The following TMEM135 variants were observed in gnomAD, a reference collection of about 807,000 sequenced individuals.
TMEM135 encodes transmembrane protein 135.
Under a neutral mutation model 60.3 loss-of-function variants are expected in TMEM135, and 30 were observed. The observed-to-expected ratio is 0.50, with a 90% CI of 0.37 to 0.68. The LOEUF (loss-of-function observed/expected upper bound fraction) is 0.68. Ranked by LOEUF, TMEM135 falls within the 30% of genes least tolerant of loss-of-function variation. The pLI, the probability that TMEM135 is intolerant of heterozygous loss-of-function variation, is 0.00. For synonymous variants in TMEM135, 190 were observed against 186.7 expected, an observed-to-expected ratio of 1.02 and a Z score of -0.14; for missense variants, 468 against 548.8, an observed-to-expected ratio of 0.85 and a Z score of 1.47.
At chr11:87,067,385 T>G (rs958597724) in intron 1 of TMEM135, among the ~76,000 whole-genome samples, 2 of 151,856 alleles carry the variant, frequency 1.3e-5, no homozygotes, top group Non-Finnish European at 2.9e-5. Context: ...GGAATTTTTT[T>G]CATTTAAAAA....
intron 6 of TMEM135, among the ~76,000 whole-genome samples, chr11:87,254,933 G>A (rs1941492414): frequency 6.6e-6 from 1 of 151,964 alleles, no homozygotes; most frequent in African/African-American, 2.4e-5. Flanking sequence ...TGAGCCCAGG[G>A]GTTCGATACC....
At chr11:87,163,797 A>C (rs1938958644) in intron 5 of TMEM135, among the ~76,000 whole-genome samples, 1 of 142,828 alleles carries the variant, frequency 7.0e-6, no homozygotes, top group Non-Finnish European at 1.5e-5. Context: ...AGTGATGATG[A>C]GCATTTTTTC....
intron 5 of TMEM135, among the ~76,000 whole-genome samples, chr11:87,220,572 T>TGCTTGTTCATCTC (rs1314222726): frequency 1.3e-5 from 2 of 152,236 alleles, no homozygotes; most frequent in Non-Finnish European, 2.9e-5. Context: ...GCTAAGATAC[T>TGCTTGTTCATCTC]GCTTGTTCAT....
intron 5 of TMEM135, among the ~76,000 whole-genome samples, chr11:87,192,032 AG>A (rs1266318693): frequency 8.3e-6 from 1 of 120,196 alleles, no homozygotes; most frequent in African/African-American, 3.3e-5. Flanking sequence ...TCCAGGCTGG[AG>A]TGCAGTGGCG....
intron 1 of TMEM135, among the ~76,000 whole-genome samples, chr11:87,062,230 T>G (rs1463066610): frequency 1.3e-5 from 2 of 152,016 alleles, no homozygotes; most frequent in Non-Finnish European, 2.9e-5. Context: ...GGTCTCGAAC[T>G]CCTGATCTCG....
intron 6 of TMEM135, among the ~76,000 whole-genome samples, chr11:87,273,457 T>C (rs1173167583): frequency 6.6e-6 from 1 of 152,198 alleles, no homozygotes; most frequent in Non-Finnish European, 1.5e-5. Flanking sequence ...TCCATTGATA[T>C]TCTTGGTTCT....
At chr11:87,176,162 G>A (rs984763177) in intron 5 of TMEM135, among the ~76,000 whole-genome samples, 3 of 152,048 alleles carry the variant, frequency 2.0e-5, no homozygotes, top group Admixed American at 2.0e-4. Context: ...GGGTCATGGG[G>A]GCAGATTCCT....
At chr11:87,073,390 T>C (rs531704028) in intron 3 of TMEM135, among the ~76,000 whole-genome samples, 1 of 152,308 alleles carries the variant, frequency 6.6e-6, no homozygotes, top group African/African-American at 2.4e-5. Flanking sequence ...TTTTTGTGGT[T>C]CTCTGTTTGA....
Position 87,326,718 on chromosome 11 carries a change from T to A in TMEM135, c.*5385T>A, listed in dbSNP as rs953633635. 3.6e-5 allele frequency: 16 copies of A among 448,156 alleles called. No homozygotes were observed. Among genetic ancestry groups the A allele is most frequent in the Admixed American group, 9.7e-5 (4 of 41,234 alleles). The allele number at this position is 448,156 out of a possible 1,614,324, so 27.8% of individuals were successfully genotyped here. On this transcript the variant is annotated 3_prime_UTR_variant, in exon 15 of 15. Transcript: ENST00000305494. ...AAAAACAGGAGTCCTTATTTTTCTA[T>A]TTATTTCAGGGAAAATTGAAGGTAA...
At chr11:87,054,626 G>A (rs1949874798) in intron 1 of TMEM135, among the ~76,000 whole-genome samples, 1 of 152,012 alleles carries the variant, frequency 6.6e-6, no homozygotes, top group Non-Finnish European at 1.5e-5. Context: ...CATTAGATTT[G>A]TCAGGTTGCT....
chr11:87,110,673 G>T (rs912643134), intron 4 of TMEM135, among the ~76,000 whole-genome samples: 12 of 152,136 alleles, frequency 7.9e-5, no homozygotes, highest in South Asian at 6.2e-4. Context: ...CTAGGTAAGA[G>T]ATGAGTAATT....
intron 5 of TMEM135, among the ~76,000 whole-genome samples, chr11:87,223,518 A>G (rs1229759433): frequency 6.6e-6 from 1 of 151,912 alleles, no homozygotes; most frequent in Non-Finnish European, 1.5e-5. Flanking sequence ...AAGTGCATAC[A>G]CTCATTGCGC....
At chr11:87,103,309 A>G (rs1177230673) in intron 4 of TMEM135, among the ~76,000 whole-genome samples, 3 of 152,170 alleles carry the variant, frequency 2.0e-5, no homozygotes, top group Non-Finnish European at 4.4e-5. Context: ...CCAATAGTGT[A>G]CAAGGATTCC....
At chr11:87,245,022 A>G (rs575858962) in intron 6 of TMEM135, among the ~76,000 whole-genome samples, 13 of 148,322 alleles carry the variant, frequency 8.8e-5, no homozygotes, top group Non-Finnish European at 1.8e-4. Flanking sequence ...AGTGCTTTGA[A>G]TGTGTCCCAG....
At chr11:87,119,114 A>C (rs534517885) in intron 4 of TMEM135, among the ~76,000 whole-genome samples, 1 of 152,228 alleles carries the variant, frequency 6.6e-6, no homozygotes, top group Non-Finnish European at 1.5e-5. Flanking sequence ...GCTCTGGCCT[A>C]TCTTGGCTTT....
rs11332885 is a variant in TMEM135, at chr11:87,326,911, C to CTT, written c.*5596_*5597dup. 8.4e-3 allele frequency: 3,298 copies of CTT among 390,364 alleles called. 21 individuals are homozygous for CTT. The highest frequency in any genetic ancestry group is 0.021 in the African/African-American group (867 of 41,020). The allele number at this position is 390,364 out of a possible 1,614,324, so 24.2% of individuals were successfully genotyped here. On this transcript the variant is annotated 3_prime_UTR_variant, in exon 15 of 15. Coordinates refer to ENST00000305494, the MANE Select transcript of TMEM135 (RefSeq NM_022918.4). ...AGGCATCATTGAATCATCTGAGGAC[C>CTT]TTTTTTTTTTTTTTTTTTTCACTAA...
At chr11:87,225,451 T>G (rs1292567520) in intron 5 of TMEM135, among the ~76,000 whole-genome samples, 3 of 152,062 alleles carry the variant, frequency 2.0e-5, no homozygotes, top group Non-Finnish European at 4.4e-5. Context: ...TATGCTGAAC[T>G]CTGAGATTCT....
chr11:87,230,271 G>C (rs1940862074), intron 5 of TMEM135, among the ~76,000 whole-genome samples: 1 of 151,794 alleles, frequency 6.6e-6, no homozygotes, highest in South Asian at 2.1e-4. Context: ...ATGTATTTGA[G>C]GTTCATCCAT....
intron 4 of TMEM135, among the ~76,000 whole-genome samples, chr11:87,155,124 G>A (rs553680007): frequency 1.4e-4 from 22 of 152,200 alleles, no homozygotes; most frequent in African/African-American, 3.1e-4. Context: ...TCAGCCTCCC[G>A]GGTAGCTGGG....
Sources: gnomAD v4.1 joint callset for allele counts (sites outside exome capture counted in the v4.1 genomes callset) on GRCh38, gnomAD v4.1.1 for gene constraint, MANE v1.5 for transcripts, NCBI Gene and HGNC (gene_info 2026-07-23, HGNC 2026-07-21) for gene names.